The following PTPN14 variants were observed in gnomAD, a reference collection of about 807,000 sequenced individuals.
The protein encoded by PTPN14 is protein tyrosine phosphatase non-receptor type 14.
Under a neutral mutation model 126.8 loss-of-function variants are expected in PTPN14, and 53 were observed. That is an observed-to-expected ratio of 0.42 (90% CI 0.34 to 0.53). The LOEUF (loss-of-function observed/expected upper bound fraction) is 0.53, where lower values mean the gene tolerates loss of function less well. Among genes scored for constraint, PTPN14 ranks in the 20% least tolerant of loss-of-function variants. PTPN14 has a pLI of 0.08. For missense variants in PTPN14, 1,257 were observed against 1,552.9 expected (o/e 0.81, Z 3.20); for synonymous variants, 630 against 599.3 (o/e 1.05, Z -0.75).
At chr1:214,507,809 G>A (rs1224307397) in intron 1 of PTPN14, among the ~76,000 whole-genome samples, 3 of 152,116 alleles carry the variant, frequency 2.0e-5, no homozygotes, top group Admixed American at 2.0e-4. Flanking sequence ...GTGTGCAAAA[G>A]CATCATGTCT....
At chr1:214,472,861 G>A (rs1660790596) in intron 1 of PTPN14, among the ~76,000 whole-genome samples, 1 of 152,176 alleles carries the variant, frequency 6.6e-6, no homozygotes, top group Admixed American at 6.5e-5. Context: ...ATCCAGACAC[G>A]TTCCTTGCAA....
intron 1 of PTPN14, chr1:214,531,179 A>G (rs548173286): frequency 1.3e-5 from 2 of 152,278 alleles, no homozygotes; most frequent in Admixed American, 1.3e-4. Context: ...CTTAATAGTC[A>G]CATCATTAAT....
At chr1:214,446,088 A>G (rs1386777970) in intron 3 of PTPN14, among the ~76,000 whole-genome samples, 1 of 152,128 alleles carries the variant, frequency 6.6e-6, no homozygotes, top group African/African-American at 2.4e-5. Flanking sequence ...ACAGGGGAAA[A>G]CTAACATTTT....
intron 3 of PTPN14, among the ~76,000 whole-genome samples, chr1:214,416,911 C>T (rs17788255): frequency 0.016 from 2,412 of 151,852 alleles, 29 homozygotes; most frequent in South Asian, 0.03. Context: ...TTCTCATTAG[C>T]GATTCAATTA....
At chr1:214,523,775 T>C (rs555297138) in intron 1 of PTPN14, among the ~76,000 whole-genome samples, 97 of 152,200 alleles carry the variant, frequency 6.4e-4, no homozygotes, top group African/African-American at 2.3e-3. Context: ...ACCAGGATCC[T>C]TGAGTTCCTG....
intron 1 of PTPN14, among the ~76,000 whole-genome samples, chr1:214,534,008 TAATAG>T (rs1655632296): frequency 6.6e-6 from 1 of 152,188 alleles, no homozygotes; most frequent in African/African-American, 2.4e-5. Flanking sequence ...TTACTCAATG[TAATAG>T]ATCAATAACA....
chr1:214,455,835 T>C (rs548140865), intron 2 of PTPN14, among the ~76,000 whole-genome samples: 86 of 152,304 alleles, frequency 5.6e-4, no homozygotes, highest in African/African-American at 1.9e-3. Flanking sequence ...AGCGTCAAAA[T>C]GTCCATCTTT....
intron 5 of PTPN14, among the ~76,000 whole-genome samples, chr1:214,403,824 C>T (rs149649279): frequency 2.0e-5 from 3 of 152,328 alleles, no homozygotes; most frequent in African/African-American, 7.2e-5. Context: ...TGGCCTGGGG[C>T]TCAAGCCCCA....
At chr1:214,403,963 T>C (rs1659100201) in intron 5 of PTPN14, among the ~76,000 whole-genome samples, 1 of 152,172 alleles carries the variant, frequency 6.6e-6, no homozygotes, top group Non-Finnish European at 1.5e-5. Context: ...AACTCTGAGC[T>C]ACACCCTGAT....
intron 16 of PTPN14, among the ~76,000 whole-genome samples, chr1:214,370,691 AACCATTT>A (rs1485817664): frequency 6.6e-6 from 1 of 152,210 alleles, no homozygotes; most frequent in Non-Finnish European, 1.5e-5. Flanking sequence ...ATGTATTCTC[AACCATTT>A]ACACAAGGTC....
intron 3 of PTPN14, among the ~76,000 whole-genome samples, chr1:214,441,424 G>A (rs1660034273): frequency 6.6e-6 from 1 of 152,178 alleles, no homozygotes; most frequent in African/African-American, 2.4e-5. Flanking sequence ...CTCAGACACT[G>A]TAAGTTTCTT....
chr1:214,478,247 C>G (rs972860332), intron 1 of PTPN14, among the ~76,000 whole-genome samples: 14 of 152,182 alleles, frequency 9.2e-5, no homozygotes, highest in African/African-American at 3.4e-4. Flanking sequence ...ATACATAGTT[C>G]AAGTACATTT....
chr1:214,366,301 G>A (rs922291191), intron 17 of PTPN14, among the ~76,000 whole-genome samples: 2 of 152,186 alleles, frequency 1.3e-5, no homozygotes, highest in Admixed American at 6.5e-5. Context: ...CTGCGAGGGG[G>A]AAAAGACATT....
intron 3 of PTPN14, among the ~76,000 whole-genome samples, chr1:214,442,827 T>C (rs897954386): frequency 2.6e-5 from 4 of 152,096 alleles, no homozygotes; most frequent in African/African-American, 9.7e-5. Context: ...TTTCTTTTTT[T>C]TTTTTTTCTC....
At chr1:214,414,470 T>C (rs1271524348) in intron 4 of PTPN14, among the ~76,000 whole-genome samples, 159 bp downstream of exon 4, 1 of 152,138 alleles carries the variant, frequency 6.6e-6, no homozygotes, top group East Asian at 1.9e-4. Flanking sequence ...CCACCAAAAA[T>C]CACTAACTTT....
Position 214,427,226 on chromosome 1 carries a change from C to T in PTPN14, c.345-12500G>A, listed in dbSNP as rs138647702. ...CAGGGAGTTGGAGTTTGCAGTGAGC[C>T]GAGATCGTGCCACTGCACTCCAGCT... On this transcript the variant is annotated intron_variant, in intron 3 of 18. Coordinates refer to ENST00000366956, the MANE Select transcript of PTPN14 (RefSeq NM_005401.5). Among the ~76,000 whole-genome samples the T allele has an allele frequency of 5.0e-5, 7 of 139,760 alleles. No individual in the cohort carries two copies. In the East Asian group the frequency reaches 8.3e-4, roughly 17 times the overall value. The allele number at this position is 139,760 out of a possible 152,430, so 91.7% of individuals were successfully genotyped here. A position where few individuals can be genotyped will look rare whatever the true frequency, so the allele number is the denominator to read the frequency against.
At chr1:214,402,659 A>AGGG (rs1659053585) in intron 6 of PTPN14, among the ~76,000 whole-genome samples, 2 of 264 alleles carry the variant, frequency 7.6e-3, no homozygotes, top group East Asian at 0.083. Flanking sequence ...GGAAGGAAGG[A>AGGG]AGGAAGGAAG....
In PTPN14 at chr1:214,383,498, G is replaced by A; in HGVS notation, c.2357C>T (p.Ala786Val). 6.2e-7 allele frequency: 1 copy of A among 1,614,196 alleles called. No homozygotes were observed. The highest frequency in any genetic ancestry group is 1.1e-5 in the South Asian group (1 of 91,088). ...ARARVLRHGPAKAISMSRTDP... is the reference protein window; with the variant it reads ...ARARVLRHGPVKAISMSRTDP... ...AGTCCGAGACATGCTGATGGCCTTG[G>A]CTGGCCCATGCCTCAGCACCCTGGC... The change falls in exon 13 of 19, where the codon GCC becomes GTC. Residue 786 changes from alanine to valine, a missense_variant. Coordinates refer to ENST00000366956, the MANE Select transcript of PTPN14 (RefSeq NM_005401.5). The surrounding 1 kb of genome is among the most constrained non-coding windows in gnomAD (Gnocchi z 4.4).
chr1:214,543,023 C>A (rs140034191), intron 1 of PTPN14, among the ~76,000 whole-genome samples: 1 of 152,290 alleles, frequency 6.6e-6, no homozygotes, highest in Non-Finnish European at 1.5e-5. Context: ...ATAAGTAGAA[C>A]AGGCTGTCTT....
Sources: allele counts gnomAD v4.1 joint callset (sites outside exome capture counted in the v4.1 genomes callset), GRCh38; gene constraint gnomAD v4.1.1; non-coding constraint Gnocchi (gnomAD v3.1); transcripts MANE v1.5; gene names NCBI Gene and HGNC (gene_info 2026-07-23, HGNC 2026-07-21).